Variants in PDE1C observed in about 807,000 individuals in gnomAD.
PDE1C encodes the protein dual specificity calcium/calmodulin-dependent 3',5'-cyclic nucleotide phosphodiesterase 1C.
PDE1C carries 62 observed loss-of-function variants against 93.1 expected under a neutral mutation model. That is an observed-to-expected ratio of 0.67 (90% CI 0.54 to 0.82). The LOEUF (loss-of-function observed/expected upper bound fraction) is 0.82, where lower values mean the gene tolerates loss of function less well. Among genes scored for constraint, PDE1C ranks in the 40% least tolerant of loss-of-function variants. The pLI, the probability that PDE1C is intolerant of heterozygous loss-of-function variation, is 0.00. For missense variants in PDE1C, 742 were observed against 884.6 expected, an observed-to-expected ratio of 0.84 and a Z score of 2.04; for synonymous variants, 325 against 310.1, an observed-to-expected ratio of 1.05 and a Z score of -0.50.
intron 7 of PDE1C, among the ~76,000 whole-genome samples, chr7:31,852,138 C>A (rs1481944835): frequency 6.6e-6 from 1 of 152,146 alleles, no homozygotes; most frequent in Non-Finnish European, 1.5e-5. Context: ...TTTCAATTAA[C>A]TACTAATTTT....
intron 2 of PDE1C, among the ~76,000 whole-genome samples, chr7:32,186,648 G>C: frequency 6.6e-6 from 1 of 151,824 alleles, no homozygotes; most frequent in South Asian, 2.1e-4. Context: ...TACATAATAT[G>C]TAATTAATTA....
intron 5 of PDE1C, among the ~76,000 whole-genome samples, chr7:31,875,835 A>ATATATATATGT (rs70989618): frequency 8.1e-6 from 1 of 123,600 alleles, no homozygotes; most frequent in Non-Finnish European, 1.7e-5. Context: ...ATATATATAT[A>ATATATATATGT]ATGGAAAAAG....
At chr7:32,034,258 C>A (rs1427292519) in intron 2 of PDE1C, among the ~76,000 whole-genome samples, 1 of 152,044 alleles carries the variant, frequency 6.6e-6, no homozygotes, top group Admixed American at 6.6e-5. Context: ...AGAAATTAAG[C>A]CCTCTTGTGG....
intron 1 of PDE1C, among the ~76,000 whole-genome samples, chr7:32,374,119 G>GGAAGGAAGGA (rs1554313913): frequency 4.0e-5 from 5 of 125,674 alleles, no homozygotes; most frequent in African/African-American, 1.3e-4. Flanking sequence ...AAGGAAGGAA[G>GGAAGGAAGGA]GAGAGAGAGA....
At chr7:32,071,559 G>T, upstream of PDE1C, 1 of 358,982 alleles carries the variant, frequency 2.8e-6, no homozygotes, top group Non-Finnish European at 3.9e-6. Flanking sequence ...CAATAGTGAG[G>T]AGGTAAGTTT....
At chr7:32,088,062 G>T (rs1422695699) in intron 3 of PDE1C, among the ~76,000 whole-genome samples, 1 of 151,614 alleles carries the variant, frequency 6.6e-6, no homozygotes, top group Admixed American at 6.6e-5. Context: ...CAAAATATTG[G>T]CAGGAAAACT....
rs148086388 is a variant in PDE1C, at chr7:31,886,061, C to T, written c.129-5201G>A. Among the ~76,000 whole-genome samples the T allele has an allele frequency of 3.7e-3, 563 of 152,246 alleles. 4 individuals are homozygous for T. Among genetic ancestry groups the T allele is most frequent in the African/African-American group, 0.013 (528 of 41,530 alleles). ...AACAAGTACTGCTGTCTCAGAAAGG[C>T]TTTGTTTTGTTTGAAAGGATATGAG... On this transcript the variant is annotated intron_variant, in intron 2 of 17. Coordinates refer to ENST00000396191, the MANE Select transcript of PDE1C (RefSeq NM_001191057.4).
intron 1 of PDE1C, among the ~76,000 whole-genome samples, chr7:32,425,298 A>G (rs572142181): frequency 1.3e-5 from 2 of 152,296 alleles, no homozygotes; most frequent in Admixed American, 6.5e-5. Context: ...TCATTTTTAC[A>G]GATGATAAAA....
chr7:32,071,475 T>C (rs900746397), upstream of PDE1C: 133 of 895,774 alleles, frequency 1.5e-4, no homozygotes, highest in Non-Finnish European at 1.7e-4. Flanking sequence ...TCCTCCCTCA[T>C]TCCCTCCCTC....
At chr7:32,000,056 C>T (rs539682338) in intron 2 of PDE1C, among the ~76,000 whole-genome samples, 1 of 152,254 alleles carries the variant, frequency 6.6e-6, no homozygotes, top group South Asian at 2.1e-4. Context: ...CCCATGTTCT[C>T]ATCTGTGAAA....
chr7:31,918,045 A>G (rs1411681130), intron 2 of PDE1C, among the ~76,000 whole-genome samples: 4 of 152,216 alleles, frequency 2.6e-5, no homozygotes, highest in Non-Finnish European at 4.4e-5. Flanking sequence ...GAGATTTACA[A>G]GAGGTCGGGG....
At chr7:31,644,582 G>C in the PDE1C span, among the ~76,000 whole-genome samples, 1 of 152,254 alleles carries the variant, frequency 6.6e-6, no homozygotes, top group African/African-American at 2.4e-5. Context: ...GGGGCTTTTG[G>C]TCTACCTTTG....
At chr7:32,016,026 T>C (rs933551924) in intron 2 of PDE1C, among the ~76,000 whole-genome samples, 1 of 152,182 alleles carries the variant, frequency 6.6e-6, no homozygotes, top group African/African-American at 2.4e-5. Context: ...TTACTATTGT[T>C]ATGGCAACAC....
At chr7:31,655,261 CCA>C in the PDE1C span, among the ~76,000 whole-genome samples, 23 of 152,286 alleles carry the variant, frequency 1.5e-4, no homozygotes, top group East Asian at 4.4e-3. Context: ...AGGCTCAGTG[CCA>C]CAGTGTGCAT....
intron 2 of PDE1C, among the ~76,000 whole-genome samples, chr7:32,020,444 AT>A (rs1286196259): frequency 3.3e-5 from 5 of 151,960 alleles, no homozygotes; most frequent in Non-Finnish European, 7.4e-5. Context: ...TTCTAAATTT[AT>A]TTTTTTCTGA....
rs58539780 is a variant in PDE1C, at chr7:31,835,525, GGTGTGTGTGTGTGT to G, written c.1203+1641_1203+1654del. ...ACATATAATAGCTGGGGGGTGCTGC[GGTGTGTGTGTGTGT>G]GTGTGTGTGTGTGTGTGCGTGCATG... On this transcript the variant is annotated intron_variant, in intron 11 of 17. Coordinates refer to ENST00000396191, the MANE Select transcript of PDE1C (RefSeq NM_001191057.4). 1.6e-4 allele frequency among the ~76,000 whole-genome samples: 24 copies of G among 147,062 alleles called. No homozygotes were observed. In the East Asian group the frequency reaches 4.2e-3, roughly 26 times the overall value.
At chr7:32,033,473 C>CA (rs1273403220) in intron 2 of PDE1C, among the ~76,000 whole-genome samples, 1 of 151,308 alleles carries the variant, frequency 6.6e-6, no homozygotes, top group Non-Finnish European at 1.5e-5. Flanking sequence ...AGTACCTTGG[C>CA]AAAAAAACAA....
chr7:31,691,614 A>G, the PDE1C span, among the ~76,000 whole-genome samples: 55 of 151,956 alleles, frequency 3.6e-4, 1 homozygote, highest in African/African-American at 1.3e-3. Flanking sequence ...AGTTCAATGA[A>G]CTTTCCAGGA....
intron 11 of PDE1C, among the ~76,000 whole-genome samples, chr7:31,830,090 A>T (rs1790189452): frequency 6.6e-6 from 1 of 152,142 alleles, no homozygotes; most frequent in Admixed American, 6.6e-5. Context: ...ATATACACAT[A>T]ATTTACATGC....
Sources: gnomAD v4.1 joint callset for allele counts (sites outside exome capture counted in the v4.1 genomes callset) on GRCh38, gnomAD v4.1.1 for gene constraint, MANE v1.5 for transcripts, NCBI Gene and HGNC (gene_info 2026-07-23, HGNC 2026-07-21) for gene names.